MYOF: variants seen among roughly 807,000 people sequenced by gnomAD.
The protein encoded by MYOF is fer-1-like 3, myoferlin.
In MYOF, 244 loss-of-function variants were observed where a neutral mutation model predicts 284.2. The ratio of observed to expected loss-of-function variants is 0.86; its 90% confidence interval spans 0.77 to 0.95. MYOF has a LOEUF of 0.95. Ranked by LOEUF, MYOF falls within the 40% of genes least tolerant of loss-of-function variation. MYOF has a pLI of 0.00. For missense variants in MYOF, 2,496 were observed against 2,560.6 expected (o/e 0.97, Z 0.54); for synonymous variants, 904 against 919.7 (o/e 0.98, Z 0.31).
chr10:93,460,944 A>G (rs1321515429), intron 1 of MYOF, among the ~76,000 whole-genome samples: 1 of 150,040 alleles, frequency 6.7e-6, no homozygotes, highest in Non-Finnish European at 1.5e-5. Context: ...AAAATACAAA[A>G]TTTAGCCATG....
At position 93,374,957 on chromosome 10, in the gene MYOF, T is replaced by C; in HGVS notation, c.2109-2A>G. 2 of 1,605,694 alleles carry C rather than the reference T, an allele frequency of 1.2e-6. No homozygotes were observed. The highest frequency in any genetic ancestry group is 1.7e-6 in the Non-Finnish European group (2 of 1,177,340). ...CCTTCTGTGAGAGGCAACGTGTATC[T>C]AGAAAAATGAAGAAAAAAAGAAACA... On this transcript the variant is annotated splice_acceptor_variant, in intron 22 of 53. Transcript: ENST00000359263. LOFTEE classifies it high-confidence loss of function.
chr10:93,476,796 T>A (rs1035189362), intron 1 of MYOF, among the ~76,000 whole-genome samples: 1 of 152,202 alleles, frequency 6.6e-6, no homozygotes, highest in Non-Finnish European at 1.5e-5. Flanking sequence ...TAGAAATATC[T>A]AGGCTCACAT....
intron 27 of MYOF, 78 bp from the exon 28 acceptor site, chr10:93,361,635 C>A: frequency 7.8e-7 from 1 of 1,289,800 alleles, no homozygotes; most frequent in South Asian, 1.3e-5. Flanking sequence ...AATATAGTTC[C>A]TCATTTAACT....
At chr10:93,479,199 G>A (rs1426761549) in intron 1 of MYOF, among the ~76,000 whole-genome samples, 1 of 150,878 alleles carries the variant, frequency 6.6e-6, no homozygotes, top group Non-Finnish European at 1.5e-5. Flanking sequence ...GGAGTGCAGT[G>A]GTGCGATCTC....
chr10:93,395,870 T>C (rs1051133232), intron 16 of MYOF, among the ~76,000 whole-genome samples: 15 of 151,374 alleles, frequency 9.9e-5, no homozygotes, highest in African/African-American at 3.6e-4. Context: ...GCAAGAAAGC[T>C]GAAAATCTTC....
Position 93,404,287 on chromosome 10 carries a change from T to C in MYOF, c.730-68A>G, listed in dbSNP as rs1847444380. ...TTCGGGTTAGGGGAATCTGATACTA[T>C]AATTTTGGGGGCCCTCCTAAAAAAT... On this transcript the variant is annotated intron_variant, in intron 7 of 53. Coordinates refer to ENST00000359263, the MANE Select transcript of MYOF (RefSeq NM_013451.4). The C allele has an allele frequency of 3.3e-6, 5 of 1,518,234 alleles. No homozygotes were observed. The Admixed American group carries it at 5.5e-5, about 17-fold the overall frequency. 94.0% of individuals were successfully genotyped at this position (1,518,234 alleles called of 1,614,324 possible).
intron 1 of MYOF, among the ~76,000 whole-genome samples, chr10:93,476,356 A>G (rs2057263746): frequency 7.0e-6 from 1 of 143,162 alleles, no homozygotes; most frequent in Non-Finnish European, 1.5e-5. Context: ...GGTCCAAGCG[A>G]TTCTCCTGCC....
intron 4 of MYOF, among the ~76,000 whole-genome samples, chr10:93,428,737 C>T (rs1848707658): frequency 6.6e-6 from 1 of 152,204 alleles, no homozygotes; most frequent in Non-Finnish European, 1.5e-5. Context: ...ACCCTAGCCA[C>T]AGTTTCACAG....
At position 93,317,209 on chromosome 10, in the gene MYOF, C is replaced by T. The variant is rs563443271; in HGVS notation, c.5599-396G>A. Among the ~76,000 whole-genome samples the T allele has an allele frequency of 1.7e-4, 24 of 137,384 alleles. No individual in the cohort carries two copies. In the East Asian group the frequency reaches 3.6e-3, roughly 20 times the overall value. The allele number at this position is 137,384 out of a possible 152,430, so 90.1% of individuals were successfully genotyped here. A position where few individuals can be genotyped will look rare whatever the true frequency, so the allele number is the denominator to read the frequency against. On this transcript the variant is annotated intron_variant, in intron 49 of 53. Coordinates refer to ENST00000359263, the MANE Select transcript of MYOF (RefSeq NM_013451.4). ...GGTGTCACTTCTGCTCAGCAACTTT[C>T]TACCCACCCTCCCACCCACACAGAT...
In MYOF at chr10:93,355,696, T is replaced by C. The variant is rs1844765362; in HGVS notation, c.3335A>G (p.Glu1112Gly). The change falls in exon 31 of 54, where the codon GAG becomes GGG. Residue 1112 changes from glutamate to glycine, a missense_variant. By Grantham distance (98) the Glu-to-Gly change is moderately conservative. Coordinates refer to ENST00000359263, the MANE Select transcript of MYOF (RefSeq NM_013451.4). ...TTEDGDEKSL[E>G]KQKHSATTVF... ...AGTGGTGGCACTGTGCTTCTGTTTC[T>C]CCAGGCTCTTCTCATCCCCATCTTC... is the stretch of plus-strand genomic sequence containing the variant. 6.2e-7 allele frequency: 1 copy of C among 1,613,282 alleles called. No homozygotes were observed.
intron 3 of MYOF, among the ~76,000 whole-genome samples, chr10:93,442,744 C>T (rs538267048): frequency 3.9e-5 from 6 of 152,324 alleles, no homozygotes; most frequent in Admixed American, 3.9e-4. Flanking sequence ...ATTATGGTCA[C>T]TTTATTTCAG....
At position 93,401,638 on chromosome 10, in the gene MYOF, G is replaced by A. The variant is rs749722678; in HGVS notation, c.991-94C>T. The A allele has an allele frequency of 1.6e-4, 242 of 1,489,824 alleles. No individual in the cohort carries two copies. The Middle Eastern group carries it at 2.0e-3, about 12-fold the overall frequency. 92.3% of individuals were successfully genotyped at this position (1,489,824 alleles called of 1,614,324 possible). On this transcript the variant is annotated intron_variant, in intron 11 of 53. Coordinates refer to ENST00000359263, the MANE Select transcript of MYOF (RefSeq NM_013451.4). ...TTATAAAATGAAACCATTCAGAATC[G>A]TTTCCATTAAGATTTCCTGTGTTTG...
chr10:93,343,425 C>G (rs1013567796), intron 38 of MYOF, among the ~76,000 whole-genome samples: 2 of 152,234 alleles, frequency 1.3e-5, no homozygotes, highest in Admixed American at 1.3e-4. Context: ...CATGTTATCT[C>G]TGATCTGAAT....
At chr10:93,351,935 G>A (rs1844541674) in intron 32 of MYOF, 89 bp from the exon 33 acceptor site, 1 of 1,246,408 alleles carries the variant, frequency 8.0e-7, no homozygotes, top group African/African-American at 1.5e-5. Context: ...TTTTCCTCTG[G>A]ATATAATGAC....
At position 93,373,046 on chromosome 10, in the gene MYOF, G is replaced by A. The variant is rs774992910; in HGVS notation, c.2341C>T (p.Arg781Trp). The A allele has an allele frequency of 1.1e-5, 18 of 1,613,994 alleles. No homozygotes were observed. The highest frequency in any genetic ancestry group is 1.6e-4 in the Middle Eastern group (1 of 6,084). The change falls in exon 24 of 54, where the codon CGG (arginine) becomes TGG (tryptophan). Residue 781 changes from arginine (R) to tryptophan (W), a missense_variant. Transcript: ENST00000359263. ...GCATAGGCCAGTCTCTTCTCTCCCC[G>A]GATCATCCAGATGATGATGTCAGGC... ...SMPDIIIWMIRGEKRLAYARI... is the reference protein window; with the variant it reads ...SMPDIIIWMIWGEKRLAYARI...
chr10:93,425,729 C>T (rs1848560507), intron 5 of MYOF: 1 of 283,458 alleles, frequency 3.5e-6, no homozygotes, highest in South Asian at 4.7e-5. Flanking sequence ...AGAGGGGCCA[C>T]TCCTTGAGCC....
chr10:93,306,757 A>T lies in MYOF; in HGVS notation c.*206T>A, dbSNP rs1842116245. The T allele has an allele frequency of 3.7e-6, 2 of 533,762 alleles. No individual in the cohort carries two copies. Among genetic ancestry groups the T allele is most frequent in the Admixed American group, 3.9e-5 (1 of 25,858 alleles). 33.1% of individuals were successfully genotyped at this position (533,762 alleles called of 1,614,324 possible). A position where few individuals can be genotyped will look rare whatever the true frequency, so the allele number is the denominator to read the frequency against. On this transcript the variant is annotated 3_prime_UTR_variant, in exon 54 of 54. Coordinates refer to ENST00000359263, the MANE Select transcript of MYOF (RefSeq NM_013451.4). ...TAAACTTTAGAAAATAAAACTTTTA[A>T]TACTTAAGAGATAACATGATGCAAA...
chr10:93,364,021 C>G lies in MYOF; in HGVS notation c.2808G>C (p.Gln936His), dbSNP rs770641287. The G allele has an allele frequency of 1.9e-6, 3 of 1,614,170 alleles. No homozygotes were observed. Among genetic ancestry groups the G allele is most frequent in the East Asian group, 4.5e-5 (2 of 44,864 alleles). The change falls in exon 27 of 54, where the codon CAG (glutamine) becomes CAC (histidine). Residue 936 changes from glutamine to histidine, a missense_variant. Physicochemically the swap from Gln to His is conservative, Grantham distance 24. This residue lies in a region of MYOF where 2,436 missense variants were observed against 2,480.7 expected (regional missense o/e 0.98). Transcript: ENST00000359263. The part of the protein sequence containing the change: ...GHTEFTDEVY[Q>H]NESRYPGGDW... Reference sequence around the variant, plus strand: ...CGCCCCCGGGGTAGCGGCTCTCGTTCTGATAGACTTCATCAGTGAACTCCG... The same window carrying G: ...CGCCCCCGGGGTAGCGGCTCTCGTTGTGATAGACTTCATCAGTGAACTCCG...
In MYOF at chr10:93,368,882, A is replaced by C. The variant is rs139873804; in HGVS notation, c.2589+763T>G. 2.3e-3 allele frequency among the ~76,000 whole-genome samples: 346 copies of C among 152,272 alleles called. 2 individuals carry two copies. Among genetic ancestry groups the C allele is most frequent in the African/African-American group, 7.9e-3 (329 of 41,552 alleles). ...CTATCTGTAGAGTGGTGTTCATCTG[A>C]AAGTTATCAGAAGAGACCCACCGAA... On this transcript the variant is annotated intron_variant, in intron 25 of 53. Transcript: ENST00000359263.
Sources: gnomAD v4.1 joint callset for allele counts (sites outside exome capture counted in the v4.1 genomes callset) on GRCh38, gnomAD v4.1.1 for gene constraint, gnomAD v4.1.1 regional missense constraint, MANE v1.5 for transcripts, NCBI Gene and HGNC (gene_info 2026-07-23, HGNC 2026-07-21) for gene names.